Variants in S100Z observed in about 807,000 individuals in gnomAD.
The protein encoded by S100Z is S100 calcium binding protein Z, also known as protein S100-Z.
In S100Z, 11 loss-of-function variants were observed where a neutral mutation model predicts 8.5. That is an observed-to-expected ratio of 1.30 (90% CI 0.82 to 2.15). The LOEUF (loss-of-function observed/expected upper bound fraction) is 2.15, where lower values mean the gene tolerates loss of function less well. Among genes scored for constraint, S100Z ranks in the 30% most tolerant of loss-of-function variants. The pLI is 0.00. For synonymous variants in S100Z, 34 were observed against 43.8 expected (o/e 0.78, Z 0.89); for missense variants, 126 against 117.9 (o/e 1.07, Z -0.32).
chr5:76,912,599 C>G (rs1744707016), intron 4 of S100Z, among the ~76,000 whole-genome samples: 1 of 152,214 alleles, frequency 6.6e-6, no homozygotes, highest in Admixed American at 6.5e-5. Flanking sequence ...AGCAAATGTG[C>G]TTATCTAATC....
the S100Z span, among the ~76,000 whole-genome samples, chr5:76,927,089 A>T: frequency 6.6e-6 from 1 of 152,224 alleles, no homozygotes; most frequent in South Asian, 2.1e-4. Context: ...TAATAGTAGT[A>T]ACATAAGACA....
intron 4 of S100Z, among the ~76,000 whole-genome samples, chr5:76,880,509 A>G (rs1198079608): frequency 6.6e-6 from 1 of 152,074 alleles, no homozygotes; most frequent in Non-Finnish European, 1.5e-5. Context: ...CTGAAGGAAG[A>G]TTTTGTGGTA....
At chr5:76,850,255 T>C (rs986097990) in intron 1 of S100Z, 100 bp downstream of exon 1, 4 of 140,154 alleles carry the variant, frequency 2.9e-5, no homozygotes, top group Middle Eastern at 3.9e-3. Context: ...AGAGTGGAGG[T>C]TGTGAGGTGG....
intron 4 of S100Z, among the ~76,000 whole-genome samples, chr5:76,902,648 G>C (rs1176839238): frequency 6.9e-6 from 1 of 144,588 alleles, no homozygotes; most frequent in African/African-American, 2.7e-5. Context: ...TTTTTTTTTT[G>C]TTGTTGTTTG....
intron 4 of S100Z, among the ~76,000 whole-genome samples, chr5:76,883,975 A>G (rs908971098): frequency 6.6e-6 from 1 of 152,140 alleles, no homozygotes; most frequent in African/African-American, 2.4e-5. Flanking sequence ...GCAACTCAGA[A>G]ATACATTGCT....
At chr5:76,876,884 A>G (rs1743210131) in intron 3 of S100Z, among the ~76,000 whole-genome samples, 1 of 152,166 alleles carries the variant, frequency 6.6e-6, no homozygotes, top group South Asian at 2.1e-4. Context: ...ACTCCTCATC[A>G]ACACCAGTCA....
chr5:76,927,824 G>A, the S100Z span, among the ~76,000 whole-genome samples: 2 of 152,164 alleles, frequency 1.3e-5, no homozygotes, highest in Non-Finnish European at 2.9e-5. Flanking sequence ...TACAGGGAAA[G>A]GTTAGTATCC....
At chr5:76,905,671 C>T (rs1744400108) in intron 4 of S100Z, among the ~76,000 whole-genome samples, 1 of 152,140 alleles carries the variant, frequency 6.6e-6, no homozygotes, top group Non-Finnish European at 1.5e-5. Context: ...CTCGGCTTCC[C>T]AAGGTGCTGG....
chr5:76,877,906 A>G (rs1201087964), intron 4 of S100Z, 72 bp downstream of exon 4: 2 of 941,654 alleles, frequency 2.1e-6, no homozygotes, highest in Admixed American at 4.2e-5. Flanking sequence ...TATACCGTTC[A>G]GATCTATAGA....
intron 4 of S100Z, among the ~76,000 whole-genome samples, chr5:76,904,491 G>C (rs141037322): frequency 1.3e-5 from 2 of 152,224 alleles, no homozygotes; most frequent in African/African-American, 4.8e-5. Context: ...ACGTTGGCCA[G>C]GCTGGTCTTG....
intron 4 of S100Z, among the ~76,000 whole-genome samples, chr5:76,894,764 T>A (rs1256386660): frequency 6.6e-6 from 1 of 151,824 alleles, no homozygotes; most frequent in Non-Finnish European, 1.5e-5. Context: ...CCCAGCTAAT[T>A]TTGTTTTAGT....
At chr5:76,853,235 A>G (rs1750781207) in intron 1 of S100Z, among the ~76,000 whole-genome samples, 1 of 152,190 alleles carries the variant, frequency 6.6e-6, no homozygotes, top group Non-Finnish European at 1.5e-5. Context: ...TCCTCCATAG[A>G]TGGTCTGAGG....
downstream of S100Z, among the ~76,000 whole-genome samples, chr5:76,922,191 C>G (rs1360280534): frequency 6.6e-6 from 1 of 152,124 alleles, no homozygotes; most frequent in African/African-American, 2.4e-5. Flanking sequence ...TAGGGAGAGA[C>G]TCTCTCTGGA....
intron 4 of S100Z, among the ~76,000 whole-genome samples, chr5:76,911,707 T>C (rs893345570): frequency 2.6e-5 from 4 of 152,156 alleles, no homozygotes; most frequent in African/African-American, 9.7e-5. Context: ...TTCTAGCTAA[T>C]CAAGGGTACA....
Position 76,875,426 on chromosome 5 carries a change from GA to G in S100Z, c.70del (p.Arg24GlyfsTer11). The G allele has an allele frequency of 6.2e-7, 1 of 1,613,202 alleles. No individual in the cohort carries two copies. ...AATCTTCCACCGCTATTCTGGCAAG[GA>G]AAGGAAGAGATTCAAGCTCAGCAAG... is the stretch of plus-strand genomic sequence containing the variant. ...IRIFHRYSGK[E>X]RKRFKLSKGE... On this transcript the variant is annotated frameshift_variant, in exon 3 of 5. Transcript: ENST00000317593. LOFTEE classifies it high-confidence loss of function.
intron 1 of S100Z, among the ~76,000 whole-genome samples, chr5:76,860,190 T>A (rs1298528113): frequency 6.6e-6 from 1 of 152,126 alleles, no homozygotes; most frequent in Non-Finnish European, 1.5e-5. Flanking sequence ...CAGAACAGAA[T>A]TGGCCAGATG....
At chr5:76,876,313 T>C (rs947764270) in intron 3 of S100Z, among the ~76,000 whole-genome samples, 13 of 152,128 alleles carry the variant, frequency 8.5e-5, no homozygotes, top group African/African-American at 3.1e-4. Context: ...GACATTTTTA[T>C]AGTGATCTTA....
chr5:76,892,168 A>C (rs186379844), intron 4 of S100Z, among the ~76,000 whole-genome samples: 30 of 152,326 alleles, frequency 2.0e-4, no homozygotes, highest in African/African-American at 6.5e-4. Flanking sequence ...GGTGGTAACC[A>C]TGGTGATGAT....
chr5:76,950,994 G>A, the S100Z span, among the ~76,000 whole-genome samples: 1 of 151,646 alleles, frequency 6.6e-6, no homozygotes, highest in East Asian at 1.9e-4. Flanking sequence ...TTTCTCGATA[G>A]CTTGTAGTTT....
Sources: allele counts gnomAD v4.1 joint callset (sites outside exome capture counted in the v4.1 genomes callset), GRCh38; gene constraint gnomAD v4.1.1; transcripts MANE v1.5; gene names NCBI Gene and HGNC (gene_info 2026-07-23, HGNC 2026-07-21).